Variants in LMCD1 observed in about 807,000 individuals in gnomAD.
LMCD1 encodes the protein LIM and cysteine rich domains 1, also known as LIM and cysteine-rich domains protein 1.
Under a neutral mutation model 42.7 loss-of-function variants are expected in LMCD1, and 32 were observed. The observed-to-expected ratio is 0.75, with a 90% CI of 0.57 to 1.01. The LOEUF (loss-of-function observed/expected upper bound fraction) is 1.01, where lower values mean the gene tolerates loss of function less well. LMCD1 is among the 50% of genes least tolerant of loss of function. LMCD1 has a pLI of 0.00. For missense variants in LMCD1, 458 were observed against 483.1 expected (o/e 0.95, Z 0.49); for synonymous variants, 178 against 184.9 (o/e 0.96, Z 0.30).
chr3:8,538,545 A>T (rs1217558887), intron 3 of LMCD1, among the ~76,000 whole-genome samples: 1 of 152,060 alleles, frequency 6.6e-6, no homozygotes, highest in African/African-American at 2.4e-5. Flanking sequence ...TCAACACCTT[A>T]AGACACTCTG....
intron 3 of LMCD1, among the ~76,000 whole-genome samples, chr3:8,548,198 G>GCATCTGATGTGTA (rs1694773887): frequency 6.6e-6 from 1 of 152,174 alleles, no homozygotes; most frequent in South Asian, 2.1e-4. Flanking sequence ...CAAAGTGCGT[G>GCATCTGATGTGTA]CATCTGATGT....
At chr3:8,516,615 C>T (rs1694106568) in intron 1 of LMCD1, among the ~76,000 whole-genome samples, 2 of 152,130 alleles carry the variant, frequency 1.3e-5, no homozygotes, top group Non-Finnish European at 2.9e-5. Context: ...TTAATATCAG[C>T]ACCTCTCAGT....
At chr3:8,522,224 T>A (rs1694220869) in intron 1 of LMCD1, among the ~76,000 whole-genome samples, 1 of 152,230 alleles carries the variant, frequency 6.6e-6, no homozygotes, top group Non-Finnish European at 1.5e-5. Flanking sequence ...ACAGATGATG[T>A]CAGCCTTGGT....
rs1694816692 is a variant in LMCD1 at position 8,550,218 on chromosome 3, G to A, written c.723+1315G>A. 12 of 1,199,218 alleles carry A rather than the reference G, an allele frequency of 1.0e-5. No individual in the cohort carries two copies. In the South Asian group the frequency reaches 2.2e-4, roughly 22 times the overall value. The allele number at this position is 1,199,218 out of a possible 1,614,324, so 74.3% of individuals were successfully genotyped here. Reference sequence around the variant, plus strand: ...GAATGCTTGAGGCTGGACCACGTGGGTCTAGCGTGTACTGCGTTTCTGGTC... The same window carrying A: ...GAATGCTTGAGGCTGGACCACGTGGATCTAGCGTGTACTGCGTTTCTGGTC... On this transcript the variant is annotated intron_variant, in intron 4 of 5. Transcript: ENST00000157600.
chr3:8,503,684 T>G (rs963599306), intron 1 of LMCD1, among the ~76,000 whole-genome samples: 23 of 152,240 alleles, frequency 1.5e-4, no homozygotes, highest in Admixed American at 5.9e-4. Flanking sequence ...CCACACTGTT[T>G]GCATAGGCTT....
chr3:8,551,357 A>G, intron 4 of LMCD1: 1 of 985,096 alleles, frequency 1.0e-6, no homozygotes, highest in Non-Finnish European at 1.2e-6. Context: ...TTCCAGTTCC[A>G]CATTTATTAA....
chr3:8,560,060 A>G (rs572621738), intron 4 of LMCD1, among the ~76,000 whole-genome samples: 4 of 152,316 alleles, frequency 2.6e-5, no homozygotes, highest in South Asian at 4.1e-4. Flanking sequence ...TGCTGCGAGA[A>G]TATCTCCCTA....
rs118184128 is a variant in LMCD1, at chr3:8,538,531, C to T, written c.387+1091C>T. On this transcript the variant is annotated intron_variant, in intron 3 of 5. Coordinates refer to ENST00000157600, the MANE Select transcript of LMCD1 (RefSeq NM_014583.4). ...CCCATCACTGTGCTCTCACTCCCAA[C>T]ATCTCAACACCTTAAGACACTCTGA... is the stretch of plus-strand genomic sequence containing the variant. Among the ~76,000 whole-genome samples the T allele has an allele frequency of 7.2e-4, 109 of 152,292 alleles. 2 individuals carry two copies. In the East Asian group the frequency reaches 0.021, roughly 29 times the overall value.
chr3:8,558,233 C>T (rs956051648), intron 4 of LMCD1, among the ~76,000 whole-genome samples: 34 of 152,232 alleles, frequency 2.2e-4, no homozygotes, highest in Non-Finnish European at 3.7e-4. Flanking sequence ...AATTTGCCAA[C>T]ATGACTTAAA....
At chr3:8,512,458 A>G (rs528872706) in intron 1 of LMCD1, among the ~76,000 whole-genome samples, 1 of 152,328 alleles carries the variant, frequency 6.6e-6, no homozygotes, top group Admixed American at 6.5e-5. Context: ...ATAAAATCCC[A>G]GATGATTCCC....
At chr3:8,561,963 G>C (rs1695045906) in intron 4 of LMCD1, among the ~76,000 whole-genome samples, 1 of 152,184 alleles carries the variant, frequency 6.6e-6, no homozygotes. Context: ...TAGAGGATGA[G>C]AATAGGCAAG....
At chr3:8,507,088 A>G (rs1693898506) in intron 1 of LMCD1, among the ~76,000 whole-genome samples, 1 of 152,236 alleles carries the variant, frequency 6.6e-6, no homozygotes, top group Admixed American at 6.5e-5. Flanking sequence ...AGCAGCTGCT[A>G]CTGTCTCACC....
At chr3:8,536,533 A>G (rs1452286488) in intron 2 of LMCD1, among the ~76,000 whole-genome samples, 1 of 152,214 alleles carries the variant, frequency 6.6e-6, no homozygotes, top group Admixed American at 6.5e-5. Context: ...CCTGTTCACA[A>G]ATTTCTTGAA....
chr3:8,567,554 G>C lies in LMCD1; in HGVS notation c.1054G>C (p.Gly352Arg). 6.2e-7 allele frequency: 1 copy of C among 1,613,658 alleles called. No homozygotes were observed. The highest frequency in any genetic ancestry group is 1.3e-5 in the African/African-American group (1 of 74,884). ...LSGRAYIVTKGQLLCPTCSKS... is the reference protein window; with the variant it reads ...LSGRAYIVTKRQLLCPTCSKS... ...CGGCCGGGCGTACATCGTCACCAAG[G>C]GTCAGCTTCTGTGCCCAACTTGCAG... is the stretch of plus-strand genomic sequence containing the variant. The change falls in exon 6 of 6, where the codon GGT (glycine) becomes CGT (arginine). Residue 352 changes from glycine to arginine, a missense_variant. Gly to Arg is a moderately radical substitution (Grantham distance 125). Coordinates refer to ENST00000157600, the MANE Select transcript of LMCD1 (RefSeq NM_014583.4).
chr3:8,559,987 C>T (rs556966193), intron 4 of LMCD1, among the ~76,000 whole-genome samples: 1 of 152,328 alleles, frequency 6.6e-6, no homozygotes, highest in African/African-American at 2.4e-5. Flanking sequence ...AAAGTGCTTT[C>T]CAACGGATGA....
rs1457699356 is a variant in LMCD1, at chr3:8,550,071, A to C, written c.723+1168A>C. 3 of 1,465,586 alleles carry C rather than the reference A, an allele frequency of 2.0e-6. No individual in the cohort carries two copies. In the African/African-American group the frequency reaches 4.2e-5, roughly 21 times the overall value. 90.8% of individuals were successfully genotyped at this position (1,465,586 alleles called of 1,614,324 possible). A position where few individuals can be genotyped will look rare whatever the true frequency, so the allele number is the denominator to read the frequency against. On this transcript the variant is annotated intron_variant, in intron 4 of 5. Transcript: ENST00000157600. ...CCATAGGAAGTGGCAGTGTGGAAGA[A>C]GTGCTGCTGAGGAGTGAGTCACTGG...
chr3:8,571,284 C>G lies in LMCD1; in HGVS notation c.*3686C>G, dbSNP rs1419443609. 1.3e-5 allele frequency: 2 copies of G among 152,098 alleles called. No individual in the cohort carries two copies. The highest frequency in any genetic ancestry group is 2.9e-5 in the Non-Finnish European group (2 of 68,032). The allele number at this position is 152,098 out of a possible 1,614,324, so 9.4% of individuals were successfully genotyped here. ...AGAATAATCGTATTATCTTTATTTC[C>G]CCAACTCTTAGTACAAATCCTGGCA... On this transcript the variant is annotated 3_prime_UTR_variant, in exon 6 of 6. Transcript: ENST00000157600.
chr3:8,566,078 G>A (rs950243242), intron 5 of LMCD1, among the ~76,000 whole-genome samples: 42 of 152,212 alleles, frequency 2.8e-4, no homozygotes, highest in Non-Finnish European at 1.2e-4. Context: ...TGGCTATGAG[G>A]ATAGATGAGA....
rs551595999 is a variant in LMCD1, at chr3:8,538,155, T to A, written c.387+715T>A. On this transcript the variant is annotated intron_variant, in intron 3 of 5. Transcript: ENST00000157600. The stretch of plus-strand genomic sequence containing the variant: ...AAATCATCAGATGTGACCATTTAAA[T>A]GACTCCCCGTGCAGCCACCTTCAAG... 1.1e-4 allele frequency among the ~76,000 whole-genome samples: 16 copies of A among 152,292 alleles called. No homozygotes were observed. In the East Asian group the frequency reaches 3.1e-3, roughly 29 times the overall value.
Sources: allele counts gnomAD v4.1 joint callset (sites outside exome capture counted in the v4.1 genomes callset), GRCh38; gene constraint gnomAD v4.1.1; transcripts MANE v1.5; gene names NCBI Gene and HGNC (gene_info 2026-07-23, HGNC 2026-07-21).